The following DTNA variants were observed in gnomAD, a reference collection of about 807,000 sequenced individuals.
DTNA encodes the protein dystrobrevin alpha, also known as dystrophin-related protein 3.
A neutral mutation model predicts 100.7 loss-of-function variants in DTNA; 43 were observed. The observed-to-expected ratio is 0.43, with a 90% CI of 0.33 to 0.55. The LOEUF (loss-of-function observed/expected upper bound fraction) is 0.55. DTNA is among the 20% of genes least tolerant of loss of function. The pLI is 0.04. For synonymous variants in DTNA, 349 were observed against 347.9 expected (o/e 1.00, Z -0.04); for missense variants, 798 against 953.9 (o/e 0.84, Z 2.15).
intron 21 of DTNA, among the ~76,000 whole-genome samples, chr18:34,884,147 G>T (rs1041305001): frequency 1.3e-5 from 2 of 152,132 alleles, no homozygotes; most frequent in African/African-American, 4.8e-5. Flanking sequence ...AATAACCAAT[G>T]TTCTGGTTCA....
intron 1 of DTNA, among the ~76,000 whole-genome samples, chr18:34,538,660 G>A (rs764297777): frequency 6.6e-6 from 1 of 151,928 alleles, no homozygotes; most frequent in African/African-American, 2.4e-5. Context: ...TTGGTAATCC[G>A]TTAAAAATAA....
Position 34,882,122 on chromosome 18 carries a change from A to T in DTNA, c.2216A>T (p.Asn739Ile), listed in dbSNP as rs1413405239. The T allele has an allele frequency of 2.5e-6, 4 of 1,614,126 alleles. No individual in the cohort carries two copies. The South Asian group carries it at 4.4e-5, about 18-fold the overall frequency. The change falls in exon 21 of 23, where the codon AAT becomes ATT. Residue 739 changes from asparagine to isoleucine, a missense_variant. Around this residue, in one of 6 missense-constraint regions of DTNA, gnomAD observed 242 missense variants for 238.2 expected, o/e 1.02. Transcript: ENST00000444659. ...YVQPEDENYE[N>I]DSVRQLENEL... ...CAGCCTGAAGATGAAAACTATGAAA[A>T]TGACTCTGTCCGGCAGCTGGAGAAT...
chr18:34,806,540 G>A (rs866729398), intron 5 of DTNA, among the ~76,000 whole-genome samples: 1 of 152,146 alleles, frequency 6.6e-6, no homozygotes, highest in South Asian at 2.1e-4. Context: ...ATCACCAACT[G>A]GCCTCTTTCT....
At chr18:34,517,673 A>C (rs922071077) in intron 1 of DTNA, among the ~76,000 whole-genome samples, 43 of 152,030 alleles carry the variant, frequency 2.8e-4, no homozygotes, top group African/African-American at 1.0e-3. Flanking sequence ...TATCATTGCA[A>C]AAATGTTATA....
At chr18:34,696,349 C>T (rs1298255025) in intron 1 of DTNA, among the ~76,000 whole-genome samples, 7 of 152,070 alleles carry the variant, frequency 4.6e-5, no homozygotes, top group Non-Finnish European at 8.8e-5. Context: ...GAGGCCGAGG[C>T]GGGCGGAACA....
intron 1 of DTNA, among the ~76,000 whole-genome samples, chr18:34,571,164 A>G (rs2047549805): frequency 1.3e-5 from 2 of 152,212 alleles, no homozygotes; most frequent in Non-Finnish European, 2.9e-5. Flanking sequence ...TTTCTGATAC[A>G]TCAGCAGTTC....
chr18:34,510,326 G>A (rs926360932), intron 1 of DTNA, among the ~76,000 whole-genome samples: 1 of 151,656 alleles, frequency 6.6e-6, no homozygotes, highest in Non-Finnish European at 1.5e-5. Flanking sequence ...TCATCCCTCA[G>A]TACCCCGACT....
In DTNA at chr18:34,848,380, G is replaced by T. The variant is rs202088347; in HGVS notation, c.1431G>T (p.Ser477=). The change falls in exon 14 of 23, where the codon TCG becomes TCT. Residue 477 remains serine (S), a synonymous_variant. Transcript: ENST00000444659. ...CAAGGCTGGCAGCAGAGTCCTCTTC[G>T]TCTGTAAGTAGTTGGAGTAAAAGGA... ...YAARLAAESS[S]SQPPQQRSAP... 2.5e-6 allele frequency: 4 copies of T among 1,613,918 alleles called. No individual in the cohort carries two copies. The South Asian group carries it at 4.4e-5, about 18-fold the overall frequency.
At chr18:34,635,577 CAT>C (rs1009977280) in intron 1 of DTNA, among the ~76,000 whole-genome samples, 90 of 152,274 alleles carry the variant, frequency 5.9e-4, no homozygotes, top group African/African-American at 1.8e-3. Flanking sequence ...TCTCATACTT[CAT>C]ATATATCCTT....
At chr18:34,651,473 A>T (rs2060436521) in intron 1 of DTNA, among the ~76,000 whole-genome samples, 1 of 152,134 alleles carries the variant, frequency 6.6e-6, no homozygotes, top group South Asian at 2.1e-4. Context: ...TCCTCATTCA[A>T]TAATAGAGGA....
At chr18:34,755,139 A>C (rs997429735) in intron 1 of DTNA, among the ~76,000 whole-genome samples, 2 of 152,234 alleles carry the variant, frequency 1.3e-5, no homozygotes, top group African/African-American at 4.8e-5. Context: ...AAGTTTAATT[A>C]GATGCAATAA....
chr18:34,549,243 C>T (rs2045135781), intron 1 of DTNA, among the ~76,000 whole-genome samples: 1 of 152,058 alleles, frequency 6.6e-6, no homozygotes, highest in Non-Finnish European at 1.5e-5. Context: ...CAGAATCTCT[C>T]GAGAACATAA....
chr18:34,706,111 G>C (rs564389996), upstream of DTNA, among the ~76,000 whole-genome samples: 25 of 152,206 alleles, frequency 1.6e-4, no homozygotes, highest in African/African-American at 5.3e-4. Context: ...ACCATGCCCA[G>C]CTAATTTTGT....
chr18:34,691,626 A>G (rs1201586224), intron 1 of DTNA, among the ~76,000 whole-genome samples: 1 of 152,172 alleles, frequency 6.6e-6, no homozygotes, highest in East Asian at 1.9e-4. Context: ...TACTGGTACA[A>G]TGGACCTCTT....
At chr18:34,507,589 A>G (rs1246966332) in intron 1 of DTNA, among the ~76,000 whole-genome samples, 1 of 152,190 alleles carries the variant, frequency 6.6e-6, no homozygotes, top group East Asian at 1.9e-4. Context: ...ACAAAGGACA[A>G]CAGTCTAGGG....
At chr18:34,595,906 A>G (rs1425279326) in intron 1 of DTNA, among the ~76,000 whole-genome samples, 1 of 152,180 alleles carries the variant, frequency 6.6e-6, no homozygotes, top group Non-Finnish European at 1.5e-5. Context: ...GCTGCAAATC[A>G]GTGAGAGGAA....
chr18:34,708,217 G>A (rs1324643614), upstream of DTNA: 1 of 152,114 alleles, frequency 6.6e-6, no homozygotes, highest in East Asian at 1.9e-4. Flanking sequence ...GCAGCTAAAA[G>A]TCTACACTGG....
At chr18:34,730,896 G>A (rs1041257856) in intron 1 of DTNA, among the ~76,000 whole-genome samples, 1 of 152,204 alleles carries the variant, frequency 6.6e-6, no homozygotes. Flanking sequence ...GCAAGGACTG[G>A]TGTGGGGAGG....
At chr18:34,637,110 G>A (rs545239461) in intron 1 of DTNA, among the ~76,000 whole-genome samples, 2 of 152,276 alleles carry the variant, frequency 1.3e-5, no homozygotes, top group South Asian at 2.1e-4. Flanking sequence ...CCTTGCTTGC[G>A]TAATTGCTGA....
Sources: gnomAD v4.1 joint callset for allele counts (sites outside exome capture counted in the v4.1 genomes callset) on GRCh38, gnomAD v4.1.1 for gene constraint, gnomAD v4.1.1 regional missense constraint, MANE v1.5 for transcripts, NCBI Gene and HGNC (gene_info 2026-07-23, HGNC 2026-07-21) for gene names.